Variants in CALN1 observed in about 807,000 individuals in gnomAD.
CALN1 encodes the protein calneuron 1.
A neutral mutation model predicts 30.6 loss-of-function variants in CALN1; 17 were observed. The observed-to-expected ratio is 0.56, with a 90% confidence interval of 0.38 to 0.83. CALN1 has a LOEUF of 0.83. Ranked by LOEUF, CALN1 falls within the 40% of genes least tolerant of loss-of-function variation. CALN1 has a pLI of 0.00. For missense variants in CALN1, 291 were observed against 354.9 expected (o/e 0.82, Z 1.45); for synonymous variants, 156 against 131.4 (o/e 1.19, Z -1.28).
chr7:72,125,799 CT>C lies in CALN1; in HGVS notation c.245-19506del, dbSNP rs61475416. 6.2e-3 allele frequency among the ~76,000 whole-genome samples: 713 copies of C among 114,728 alleles called. 2 individuals carry two copies. The highest frequency in any genetic ancestry group is 0.02 in the South Asian group (74 of 3,614). The allele number at this position is 114,728 out of a possible 152,430, so 75.3% of individuals were successfully genotyped here. ...CAAGTCCCAAGTCCACTGTATCATT[CT>C]TTTTTTTTTTTTTTTTTTTGAGACG... On this transcript the variant is annotated intron_variant, in intron 3 of 6. Coordinates refer to ENST00000395275, the MANE Select transcript of CALN1 (RefSeq NM_031468.4).
chr7:72,160,304 A>C (rs1038142114), intron 3 of CALN1, among the ~76,000 whole-genome samples: 2 of 149,676 alleles, frequency 1.3e-5, no homozygotes, highest in Non-Finnish European at 3.0e-5. Context: ...TTTTAAACAG[A>C]GTCTCGTTCT....
Position 72,054,528 on chromosome 7 carries a change from C to T in CALN1, c.389-30759G>A, listed in dbSNP as rs1318487361. Among the ~76,000 whole-genome samples the T allele has an allele frequency of 9.0e-4, 50 of 55,732 alleles. 1 individual carries two copies. In the South Asian group the frequency reaches 0.015, roughly 17 times the overall value. 36.6% of individuals were successfully genotyped at this position (55,732 alleles called of 152,430 possible). On this transcript the variant is annotated intron_variant, in intron 4 of 6. Transcript: ENST00000395275. ...ATATATACATATATATACATATATA[C>T]ATACATATATATATACATATATATA...
intron 1 of CALN1, among the ~76,000 whole-genome samples, chr7:72,431,712 C>A (rs866596769): frequency 2.6e-4 from 40 of 152,136 alleles, no homozygotes; most frequent in African/African-American, 8.0e-4. Context: ...TGTGGTCATG[C>A]GTGCCTGTAG....
At chr7:72,251,822 T>C (rs1392902681) in intron 3 of CALN1, among the ~76,000 whole-genome samples, 2 of 152,122 alleles carry the variant, frequency 1.3e-5, no homozygotes, top group South Asian at 4.1e-4. Flanking sequence ...TACAGTACCA[T>C]AGATTTGCAA....
intron 4 of CALN1, among the ~76,000 whole-genome samples, chr7:72,027,932 G>C (rs1311376125): frequency 1.3e-5 from 2 of 151,188 alleles, no homozygotes; most frequent in Non-Finnish European, 3.0e-5. Context: ...GGTGGCGGGC[G>C]CCTGTAGTCC....
intron 3 of CALN1, among the ~76,000 whole-genome samples, chr7:72,215,597 A>G (rs112164735): frequency 2.4e-4 from 36 of 150,488 alleles, no homozygotes; most frequent in African/African-American, 8.5e-4. Flanking sequence ...CCTGCTCAAA[A>G]AAAAAAAAAA....
intron 4 of CALN1, among the ~76,000 whole-genome samples, chr7:72,061,786 G>T (rs1281876794): frequency 1.0e-5 from 1 of 97,814 alleles, no homozygotes; most frequent in East Asian, 3.2e-4. Context: ...GACAGAGCAA[G>T]ACTCTGTCTC....
intron 4 of CALN1, among the ~76,000 whole-genome samples, chr7:72,097,960 C>G (rs912192802): frequency 1.3e-5 from 2 of 152,108 alleles, no homozygotes; most frequent in East Asian, 3.9e-4. Flanking sequence ...GTGATCCACC[C>G]GCCTCGGCCT....
At chr7:72,336,221 C>T (rs1256653157) in intron 2 of CALN1, among the ~76,000 whole-genome samples, 2 of 152,148 alleles carry the variant, frequency 1.3e-5, no homozygotes, top group African/African-American at 4.8e-5. Context: ...CCCCGATCGC[C>T]ATGACTCCGG....
chr7:71,867,537 T>C (rs1166431039), intron 5 of CALN1, among the ~76,000 whole-genome samples: 3 of 152,060 alleles, frequency 2.0e-5, no homozygotes, highest in Non-Finnish European at 4.4e-5. Flanking sequence ...CGGATTCAAG[T>C]GATTCTCCTG....
intron 5 of CALN1, among the ~76,000 whole-genome samples, chr7:72,005,757 T>C (rs1435368320): frequency 6.6e-6 from 1 of 151,960 alleles, no homozygotes; most frequent in Admixed American, 6.6e-5. Context: ...ATGGCAAAAT[T>C]TTAGACTTTT....
intron 5 of CALN1, among the ~76,000 whole-genome samples, chr7:71,826,918 C>T (rs529958112): frequency 6.6e-6 from 1 of 152,234 alleles, no homozygotes; most frequent in South Asian, 2.1e-4. Flanking sequence ...GCTATGGTGC[C>T]TGGAGATGTC....
intron 3 of CALN1, among the ~76,000 whole-genome samples, chr7:72,116,862 T>C (rs1808021501): frequency 6.6e-6 from 1 of 152,180 alleles, no homozygotes; most frequent in African/African-American, 2.4e-5. Context: ...CAAGAGGTCC[T>C]GAGAAAGTGC....
Position 72,127,000 on chromosome 7 carries a change from T to TA in CALN1, c.245-20707dup, listed in dbSNP as rs1808813070. On this transcript the variant is annotated intron_variant, in intron 3 of 6. Transcript: ENST00000395275. ...TGAAATAAATATATAAATAAAATTTTAAAAAATCGTAACCCGTTCCTTGGG... is the reference window on the plus strand; with the variant it reads ...TGAAATAAATATATAAATAAAATTTTAAAAAAATCGTAACCCGTTCCTTGGG... Among the ~76,000 whole-genome samples, 3 of 151,994 alleles carry TA rather than the reference T, an allele frequency of 2.0e-5. No individual in the cohort carries two copies. The South Asian group carries it at 6.3e-4, about 32-fold the overall frequency.
intron 2 of CALN1, among the ~76,000 whole-genome samples, chr7:72,394,540 C>T (rs1805787031): frequency 6.6e-6 from 1 of 151,980 alleles, no homozygotes; most frequent in African/African-American, 2.4e-5. Context: ...TGGTAATCAA[C>T]TGTTGAGTGA....
chr7:72,225,619 C>A (rs938202690), intron 3 of CALN1, among the ~76,000 whole-genome samples: 45 of 152,048 alleles, frequency 3.0e-4, no homozygotes, highest in African/African-American at 9.7e-4. Flanking sequence ...AAGCCCTCGG[C>A]GCTACCTTGA....
chr7:72,222,852 C>T (rs1793404970), intron 3 of CALN1, among the ~76,000 whole-genome samples: 1 of 133,190 alleles, frequency 7.5e-6, no homozygotes, highest in Non-Finnish European at 1.8e-5. Context: ...GAGATCCTAT[C>T]TTGATCAAAA....
chr7:71,790,321 A>G (rs2115873793), intron 6 of CALN1, among the ~76,000 whole-genome samples: 1 of 147,612 alleles, frequency 6.8e-6, no homozygotes, highest in Middle Eastern at 3.4e-3. Flanking sequence ...GAAGAAAGAA[A>G]GAAAGAAGGA....
chr7:72,162,413 A>C (rs1788177087), intron 3 of CALN1, among the ~76,000 whole-genome samples: 1 of 152,106 alleles, frequency 6.6e-6, no homozygotes, highest in Non-Finnish European at 1.5e-5. Flanking sequence ...AGTGAAGGGG[A>C]TCAGAATCTT....
Sources: gnomAD v4.1 joint callset for allele counts (sites outside exome capture counted in the v4.1 genomes callset) on GRCh38, gnomAD v4.1.1 for gene constraint, MANE v1.5 for transcripts, NCBI Gene and HGNC (gene_info 2026-07-23, HGNC 2026-07-21) for gene names.